Variants in PHACTR3 observed in about 807,000 individuals in gnomAD.
PHACTR3 encodes the protein protein phosphatase 1, regulatory subunit 123.
PHACTR3 carries 16 observed loss-of-function variants against 66.8 expected under a neutral mutation model. That is an observed-to-expected ratio of 0.24 (90% CI 0.16 to 0.36). PHACTR3 has a LOEUF of 0.36. Ranked by LOEUF, PHACTR3 falls within the 10% of genes least tolerant of loss-of-function variation. The probability of loss-of-function intolerance (pLI) is 1.00; values close to 1 mark genes in which losing one functional copy is unlikely to be tolerated. For synonymous variants in PHACTR3, 323 were observed against 292.1 expected (o/e 1.11, Z -1.08); for missense variants, 647 against 719.9 (o/e 0.90, Z 1.16).
chr20:59,625,769 G>C (rs1358858238), intron 1 of PHACTR3, among the ~76,000 whole-genome samples: 1 of 152,104 alleles, frequency 6.6e-6, no homozygotes, highest in Admixed American at 6.5e-5. Flanking sequence ...GTGACAGCCC[G>C]GGGCTGTTTC....
chr20:59,602,899 T>C (rs936701380), upstream of PHACTR3, among the ~76,000 whole-genome samples: 1 of 152,164 alleles, frequency 6.6e-6, no homozygotes, highest in South Asian at 2.1e-4. Flanking sequence ...GCCAAGAGCA[T>C]TGGCTGTGGC....
chr20:59,683,211 G>A (rs1454740617), intron 1 of PHACTR3, among the ~76,000 whole-genome samples: 1 of 152,178 alleles, frequency 6.6e-6, no homozygotes, highest in Non-Finnish European at 1.5e-5. Context: ...GGCCTATGAG[G>A]GGAAGGCCGT....
chr20:59,803,472 C>T (rs1235183470), intron 7 of PHACTR3, among the ~76,000 whole-genome samples: 1 of 151,828 alleles, frequency 6.6e-6, no homozygotes, highest in African/African-American at 2.4e-5. Flanking sequence ...ATACAGTAAC[C>T]AAAATTAAGT....
rs1232221801 is a variant in PHACTR3, at chr20:59,736,474, CAT to C, written c.119-6632_119-6631del. ...ACCCGCCCACAGATGGCATCCCACC[CAT>C]GCAGGTGCACACCCACCCACGCCCA... On this transcript the variant is annotated intron_variant, in intron 1 of 12. Transcript: ENST00000371015. The surrounding 1 kb of genome is among the most constrained non-coding windows in gnomAD (Gnocchi z 4.6). 6.6e-6 allele frequency among the ~76,000 whole-genome samples: 1 copy of C among 152,146 alleles called. No individual in the cohort carries two copies. The highest frequency in any genetic ancestry group is 2.4e-5 in the African/African-American group (1 of 41,442).
At position 59,758,391 on chromosome 20, in the gene PHACTR3, A is replaced by G. The variant is rs551771453; in HGVS notation, c.541+3027A>G. Among the ~76,000 whole-genome samples, 162 of 152,388 alleles carry G rather than the reference A, an allele frequency of 1.1e-3. 2 individuals carry two copies. Among genetic ancestry groups the G allele is most frequent in the African/African-American group, 3.7e-3 (153 of 41,596 alleles). Reference sequence around the variant, plus strand: ...TTTTCTTATAAACAGAGATAAAAATATAAATTCACTTAAAGTAAAATATAG... The same window carrying G: ...TTTTCTTATAAACAGAGATAAAAATGTAAATTCACTTAAAGTAAAATATAG... On this transcript the variant is annotated intron_variant, in intron 4 of 12. Coordinates refer to ENST00000371015, the MANE Select transcript of PHACTR3 (RefSeq NM_080672.5).
At chr20:59,741,403 G>A (rs527430791) in intron 1 of PHACTR3, among the ~76,000 whole-genome samples, 1 of 152,284 alleles carries the variant, frequency 6.6e-6, no homozygotes, top group East Asian at 1.9e-4. Flanking sequence ...CTCCCCCAGC[G>A]ACACTGGGAG....
At chr20:59,717,989 G>T (rs2146668409) in intron 1 of PHACTR3, among the ~76,000 whole-genome samples, 1 of 152,338 alleles carries the variant, frequency 6.6e-6, no homozygotes, top group Admixed American at 6.5e-5. Context: ...GCTGGAAAAG[G>T]TCGCAAGTGG....
chr20:59,799,082 G>GT (rs551076389), intron 7 of PHACTR3, among the ~76,000 whole-genome samples: 32 of 151,842 alleles, frequency 2.1e-4, no homozygotes, highest in South Asian at 1.7e-3. Flanking sequence ...AAATATGTGG[G>GT]TTTTTTTAGA....
chr20:59,743,661 C>G (rs1452044230), intron 2 of PHACTR3, among the ~76,000 whole-genome samples: 1 of 152,230 alleles, frequency 6.6e-6, no homozygotes, highest in Non-Finnish European at 1.5e-5. Context: ...CCACGCGACT[C>G]CCGCACCACC....
chr20:59,746,191 C>A (rs544739665), intron 2 of PHACTR3, among the ~76,000 whole-genome samples: 1 of 152,314 alleles, frequency 6.6e-6, no homozygotes, highest in South Asian at 2.1e-4. Flanking sequence ...GTTTGGGTTT[C>A]CCTTTTCATC....
intron 8 of PHACTR3, among the ~76,000 whole-genome samples, chr20:59,822,066 C>CGAT: frequency 4.1e-5 from 1 of 24,398 alleles, no homozygotes; most frequent in African/African-American, 3.6e-4. Context: ...CAGCGATCCG[C>CGAT]CCCGCAACGA....
intron 1 of PHACTR3, among the ~76,000 whole-genome samples, chr20:59,647,064 T>A (rs557059947): frequency 1.3e-5 from 2 of 152,326 alleles, no homozygotes; most frequent in South Asian, 4.1e-4. Flanking sequence ...ATTAGTCTGT[T>A]CTCATGCTGC....
At chr20:59,585,467 C>T (rs1248054028) in intron 1 of PHACTR3, among the ~76,000 whole-genome samples, 2 of 152,218 alleles carry the variant, frequency 1.3e-5, no homozygotes, top group Admixed American at 6.5e-5. Context: ...AGTACAGCTA[C>T]AGCCGAGTCC....
At chr20:59,682,106 G>A (rs577286653) in intron 1 of PHACTR3, among the ~76,000 whole-genome samples, 19 of 152,250 alleles carry the variant, frequency 1.2e-4, no homozygotes, top group African/African-American at 4.1e-4. Context: ...TTGGGAGGCC[G>A]AGGCAGGTGG....
intron 1 of PHACTR3, among the ~76,000 whole-genome samples, chr20:59,700,172 G>T (rs1335573709): frequency 1.3e-5 from 2 of 152,106 alleles, no homozygotes; most frequent in Admixed American, 6.5e-5. Flanking sequence ...TTCTTACTTT[G>T]TAATATTTCT....
intron 1 of PHACTR3, among the ~76,000 whole-genome samples, chr20:59,725,676 G>A (rs769809100): frequency 3.9e-5 from 6 of 152,208 alleles, no homozygotes; most frequent in Admixed American, 2.0e-4. Flanking sequence ...AGGCCAAGGA[G>A]GGGTAGTATC....
intron 1 of PHACTR3, among the ~76,000 whole-genome samples, chr20:59,689,716 G>A (rs189490697): frequency 6.6e-6 from 1 of 152,276 alleles, no homozygotes; most frequent in African/African-American, 2.4e-5. Context: ...AGAGTTCCAG[G>A]GGAGGGCACC....
At chr20:59,730,451 A>G (rs554983029) in intron 1 of PHACTR3, among the ~76,000 whole-genome samples, 1 of 152,106 alleles carries the variant, frequency 6.6e-6, no homozygotes, top group South Asian at 2.1e-4. Flanking sequence ...ATTTCATCCT[A>G]AGAGCCACTG....
At position 59,830,581 on chromosome 20, in the gene PHACTR3, G is replaced by A. The variant is rs1049766743; in HGVS notation, c.1329-5924G>A. On this transcript the variant is annotated intron_variant, in intron 8 of 12. Coordinates refer to ENST00000371015, the MANE Select transcript of PHACTR3 (RefSeq NM_080672.5). This position sits in a 1 kb window ranked among gnomAD's most constrained non-coding sequence, Gnocchi z 5.8. ...TGGGGATCCAGGCCTGCAAGGAGGC[G>A]CTGGGCAGGATGGAGCCTGCAGCTC... 7.9e-5 allele frequency among the ~76,000 whole-genome samples: 12 copies of A among 152,206 alleles called. No individual in the cohort carries two copies. The highest frequency in any genetic ancestry group is 7.8e-4 in the Admixed American group (12 of 15,290).
Sources: allele counts gnomAD v4.1 joint callset (sites outside exome capture counted in the v4.1 genomes callset), GRCh38; gene constraint gnomAD v4.1.1; non-coding constraint Gnocchi (gnomAD v3.1); transcripts MANE v1.5; gene names NCBI Gene and HGNC (gene_info 2026-07-23, HGNC 2026-07-21).